Variants in ATP8A2 observed in about 807,000 individuals in gnomAD.
ATP8A2 encodes the protein ATPase phospholipid transporting 8A2, also known as phospholipid-transporting ATPase IB.
Under a neutral mutation model 165.6 loss-of-function variants are expected in ATP8A2, and 100 were observed. The ratio of observed to expected loss-of-function variants is 0.60; its 90% CI spans 0.51 to 0.71. The LOEUF is 0.71. ATP8A2 is among the 30% of genes least tolerant of loss of function. ATP8A2 has a pLI of 0.00. For synonymous variants in ATP8A2, 543 were observed against 548.8 expected, an observed-to-expected ratio of 0.99 and a Z score of 0.15; for missense variants, 1,227 against 1,479.5, an observed-to-expected ratio of 0.83 and a Z score of 2.80.
chr13:25,820,982 G>A (rs1245778316), intron 27 of ATP8A2, among the ~76,000 whole-genome samples: 1 of 151,162 alleles, frequency 6.6e-6, no homozygotes, highest in Non-Finnish European at 1.5e-5. Context: ...AAATAGTTTC[G>A]ATGAAATAAA....
intron 24 of ATP8A2, among the ~76,000 whole-genome samples, chr13:25,654,461 C>T (rs981572365): frequency 1.3e-5 from 2 of 152,154 alleles, no homozygotes; most frequent in African/African-American, 4.8e-5. Context: ...GCCTTGGCCT[C>T]CTCCCAAAGT....
chr13:25,889,273 T>TATATATA (rs1359317042), intron 33 of ATP8A2, among the ~76,000 whole-genome samples: 1 of 141,184 alleles, frequency 7.1e-6, no homozygotes, highest in African/African-American at 2.5e-5. Context: ...TATATATATA[T>TATATATA]AAAATTTAAA....
intron 1 of ATP8A2, among the ~76,000 whole-genome samples, chr13:25,454,439 C>T (rs141737822): frequency 2.6e-4 from 38 of 147,692 alleles, no homozygotes; most frequent in African/African-American, 8.1e-4. Flanking sequence ...CCTCTCTGAA[C>T]GATGAAGATG....
At chr13:25,439,425 G>GA (rs958440162) in intron 1 of ATP8A2, among the ~76,000 whole-genome samples, 8 of 151,894 alleles carry the variant, frequency 5.3e-5, no homozygotes, top group South Asian at 2.1e-4. Context: ...CATTTTAAAT[G>GA]AAAAAAAAGT....
intron 24 of ATP8A2, among the ~76,000 whole-genome samples, chr13:25,592,956 T>A (rs879586291): frequency 1.3e-5 from 2 of 152,196 alleles, no homozygotes; most frequent in Non-Finnish European, 2.9e-5. Flanking sequence ...TGAGCAGAGG[T>A]GCACTTTCTA....
chr13:25,926,609 C>A (rs955157127), intron 33 of ATP8A2, among the ~76,000 whole-genome samples: 2 of 152,096 alleles, frequency 1.3e-5, no homozygotes, highest in Non-Finnish European at 2.9e-5. Context: ...AAACATGCAA[C>A]AGATCATGGG....
intron 25 of ATP8A2, among the ~76,000 whole-genome samples, chr13:25,741,055 T>C (rs2043900225): frequency 1.3e-5 from 2 of 152,208 alleles, no homozygotes; most frequent in Admixed American, 6.5e-5. Context: ...AAAACACATA[T>C]TGTTTTTAAG....
At chr13:25,886,710 T>C (rs1022151221) in intron 33 of ATP8A2, among the ~76,000 whole-genome samples, 10 of 152,204 alleles carry the variant, frequency 6.6e-5, no homozygotes, top group Admixed American at 3.3e-4. Context: ...TGCCATCTGA[T>C]AGCTGTTCCA....
intron 29 of ATP8A2, among the ~76,000 whole-genome samples, chr13:25,837,494 A>C (rs1593426964): frequency 6.7e-6 from 1 of 149,592 alleles, no homozygotes; most frequent in East Asian, 2.0e-4. Flanking sequence ...TGAATTCAAG[A>C]CGCCTTCTCA....
chr13:25,834,603 G>A (rs1951557743), intron 28 of ATP8A2, among the ~76,000 whole-genome samples: 1 of 152,150 alleles, frequency 6.6e-6, no homozygotes, highest in Admixed American at 6.5e-5. Flanking sequence ...CAAGGGCTTT[G>A]GGGGGCTTTC....
Position 25,543,297 on chromosome 13 carries a change from T to A in ATP8A2, c.786T>A (p.Val262=). ...TGTTGTTTTTTATTTTTAGCCTTGT[T>A]GCCCTTGGGCCTGACCAGATCTTAT... ...GNLNLDGKSL[V]ALGPDQILLR... Residue 262 remains valine, a synonymous_variant, in exon 10 of 37, where the codon GTT becomes GTA. Coordinates refer to ENST00000381655, the MANE Select transcript of ATP8A2 (RefSeq NM_016529.6). The A allele has an allele frequency of 6.3e-7, 1 of 1,592,672 alleles. No individual in the cohort carries two copies. Among genetic ancestry groups the A allele is most frequent in the Non-Finnish European group, 8.6e-7 (1 of 1,165,178 alleles).
intron 23 of ATP8A2, among the ~76,000 whole-genome samples, chr13:25,587,031 G>A (rs1456520743): frequency 6.6e-6 from 1 of 152,174 alleles, no homozygotes; most frequent in Non-Finnish European, 1.5e-5. Context: ...TGAAATCCCA[G>A]AGGTTCTCCT....
chr13:25,639,664 A>G (rs1434777725), intron 24 of ATP8A2, among the ~76,000 whole-genome samples: 1 of 152,188 alleles, frequency 6.6e-6, no homozygotes, highest in Non-Finnish European at 1.5e-5. Flanking sequence ...GGAGACTTTA[A>G]TACCCCACTG....
At chr13:25,436,725 CAG>C (rs1192002254) in intron 1 of ATP8A2, among the ~76,000 whole-genome samples, 2 of 152,006 alleles carry the variant, frequency 1.3e-5, no homozygotes, top group African/African-American at 4.8e-5. Context: ...TTCCCACCAG[CAG>C]TGTGTAAGCA....
At chr13:25,418,721 C>T (rs1032577761) in intron 1 of ATP8A2, among the ~76,000 whole-genome samples, 4 of 152,118 alleles carry the variant, frequency 2.6e-5, no homozygotes, top group Admixed American at 6.6e-5. Flanking sequence ...TATCGCCTTC[C>T]GAGATCCACA....
At chr13:25,867,063 C>T (rs1292620153) in intron 33 of ATP8A2, among the ~76,000 whole-genome samples, 1 of 151,586 alleles carries the variant, frequency 6.6e-6, no homozygotes, top group Non-Finnish European at 1.5e-5. Flanking sequence ...AACCTTTTGA[C>T]TTCAAAGCAT....
At chr13:25,586,128 A>T (rs1401617289) in intron 23 of ATP8A2, among the ~76,000 whole-genome samples, 1 of 152,250 alleles carries the variant, frequency 6.6e-6, no homozygotes, top group African/African-American at 2.4e-5. Context: ...TTTTAAAGAT[A>T]AAACTGAGGC....
chr13:25,600,887 C>T (rs1006310295), intron 24 of ATP8A2, among the ~76,000 whole-genome samples: 8 of 152,152 alleles, frequency 5.3e-5, no homozygotes, highest in Non-Finnish European at 1.2e-4. Context: ...CACCAGCTCA[C>T]CTGTAGGCAG....
intron 25 of ATP8A2, among the ~76,000 whole-genome samples, chr13:25,712,050 T>C (rs1198542896): frequency 6.6e-6 from 1 of 152,188 alleles, no homozygotes; most frequent in East Asian, 1.9e-4. Context: ...TCCTTATTTA[T>C]TTATTTTGTA....
Sources: allele counts gnomAD v4.1 joint callset (sites outside exome capture counted in the v4.1 genomes callset), GRCh38; gene constraint gnomAD v4.1.1; transcripts MANE v1.5; gene names NCBI Gene and HGNC (gene_info 2026-07-23, HGNC 2026-07-21).